The following CDH4 variants were observed in gnomAD, a reference collection of about 807,000 sequenced individuals.
The protein encoded by CDH4 is cadherin-4.
A neutral mutation model predicts 86.0 loss-of-function variants in CDH4; 33 were observed. The ratio of observed to expected loss-of-function variants is 0.38; its 90% confidence interval spans 0.29 to 0.51. The LOEUF (loss-of-function observed/expected upper bound fraction) is 0.51. CDH4 is among the 20% of genes least tolerant of loss of function. The pLI is 0.86. For synonymous variants in CDH4, 555 were observed against 549.4 expected, an observed-to-expected ratio of 1.01 and a Z score of -0.14; for missense variants, 1,114 against 1,307.4, an observed-to-expected ratio of 0.85 and a Z score of 2.28.
chr20:61,698,485 G>C (rs925245147), intron 2 of CDH4, among the ~76,000 whole-genome samples: 4 of 152,268 alleles, frequency 2.6e-5, no homozygotes, highest in African/African-American at 9.6e-5. Flanking sequence ...CATTCCCGGG[G>C]CTGGTGACTG....
chr20:61,869,831 C>T (rs1052015676), intron 6 of CDH4, among the ~76,000 whole-genome samples: 2 of 152,154 alleles, frequency 1.3e-5, no homozygotes, highest in African/African-American at 2.4e-5. Context: ...CTTCGGGGAC[C>T]GAGGAGTCCT....
At chr20:61,824,157 A>G (rs1173315135) in intron 4 of CDH4, among the ~76,000 whole-genome samples, 1 of 152,058 alleles carries the variant, frequency 6.6e-6, no homozygotes, top group Non-Finnish European at 1.5e-5. Context: ...CCCACTTTCT[A>G]TTGGAGCATA....
intron 9 of CDH4, among the ~76,000 whole-genome samples, chr20:61,922,295 A>T (rs887522194): frequency 6.6e-6 from 1 of 152,190 alleles, no homozygotes; most frequent in Non-Finnish European, 1.5e-5. Flanking sequence ...CAGGGCCCCA[A>T]GCTTTTTCCA....
chr20:61,841,754 A>AGT (rs778765000), intron 4 of CDH4, among the ~76,000 whole-genome samples: 11 of 151,518 alleles, frequency 7.3e-5, no homozygotes, highest in South Asian at 2.1e-4. Flanking sequence ...TGTGCACAGG[A>AGT]GTGTGTGTGT....
chr20:61,323,041 G>C (rs760724371), intron 2 of CDH4, among the ~76,000 whole-genome samples: 2 of 152,158 alleles, frequency 1.3e-5, no homozygotes, highest in Non-Finnish European at 2.9e-5. Context: ...GCATCCAAGG[G>C]CCTGAGCTTA....
chr20:61,263,010 A>C lies in CDH4; in HGVS notation c.169+8073A>C, dbSNP rs182878722. ...GCAAGCAAGCATTCATCTTTTCAAAAAGTGTGCCTATTATTCTGACTTTTT... is the reference window on the plus strand; with the variant it reads ...GCAAGCAAGCATTCATCTTTTCAAACAGTGTGCCTATTATTCTGACTTTTT... On this transcript the variant is annotated intron_variant, in intron 2 of 15. Transcript: ENST00000614565. 2.2e-3 allele frequency among the ~76,000 whole-genome samples: 337 copies of C among 152,218 alleles called. 2 individuals carry two copies. Among genetic ancestry groups the C allele is most frequent in the Non-Finnish European group, 3.8e-3 (259 of 68,016 alleles).
chr20:61,301,715 C>G (rs1468566331), intron 2 of CDH4, among the ~76,000 whole-genome samples: 2 of 152,138 alleles, frequency 1.3e-5, no homozygotes. Context: ...ATATTTCAGG[C>G]AGTGGGGAGA....
At chr20:61,707,313 T>C (rs1352710211) in intron 2 of CDH4, among the ~76,000 whole-genome samples, 1 of 152,258 alleles carries the variant, frequency 6.6e-6, no homozygotes, top group African/African-American at 2.4e-5. Flanking sequence ...GGCCCAACTC[T>C]GCCTTCGTCA....
At chr20:61,858,112 T>TGTGTCTGTGTCTGGGTGTCTGC (rs1335101625) in intron 6 of CDH4, among the ~76,000 whole-genome samples, 8 of 151,564 alleles carry the variant, frequency 5.3e-5, no homozygotes, top group African/African-American at 1.9e-4. Flanking sequence ...TCTGTTTCTG[T>TGTGTCTGTGTCTGGGTGTCTGC]GTGTCTGTGT....
At chr20:61,587,091 C>G (rs892134304) in intron 2 of CDH4, among the ~76,000 whole-genome samples, 1 of 152,172 alleles carries the variant, frequency 6.6e-6, no homozygotes, top group Non-Finnish European at 1.5e-5. Context: ...AAATGGTGGG[C>G]ACTGCTTCTC....
At chr20:61,426,580 G>A (rs1213977632) in intron 2 of CDH4, among the ~76,000 whole-genome samples, 2 of 152,204 alleles carry the variant, frequency 1.3e-5, no homozygotes, top group African/African-American at 4.8e-5. Flanking sequence ...GTATGTGTGA[G>A]TGACTCATAG....
intron 4 of CDH4, among the ~76,000 whole-genome samples, chr20:61,783,375 C>T (rs1022058977): frequency 3.9e-5 from 6 of 152,226 alleles, no homozygotes; most frequent in African/African-American, 1.4e-4. Flanking sequence ...TAGATAAAAA[C>T]ATTAAATACA....
chr20:61,259,629 A>G (rs2084118428), intron 2 of CDH4, among the ~76,000 whole-genome samples: 1 of 152,050 alleles, frequency 6.6e-6, no homozygotes, highest in South Asian at 2.1e-4. Context: ...ATATGCCTGG[A>G]ATTATTAGAC....
At chr20:61,509,595 C>T (rs554805643) in intron 2 of CDH4, among the ~76,000 whole-genome samples, 1 of 151,606 alleles carries the variant, frequency 6.6e-6, no homozygotes, top group South Asian at 2.1e-4. Flanking sequence ...GGGTGGGGGA[C>T]AGGACCGTCA....
At chr20:61,369,450 C>CAA (rs144885482) in intron 2 of CDH4, among the ~76,000 whole-genome samples, 14 of 56,618 alleles carry the variant, frequency 2.5e-4, no homozygotes, top group East Asian at 1.2e-3. Context: ...GACTCTGTCT[C>CAA]AAAAAAAAAA....
chr20:61,336,566 T>G (rs2084618357), intron 2 of CDH4, among the ~76,000 whole-genome samples: 2 of 152,176 alleles, frequency 1.3e-5, no homozygotes, highest in South Asian at 4.1e-4. Flanking sequence ...TCAGCCTCCC[T>G]TGATCAATGC....
chr20:61,468,615 G>T (rs537619056), intron 2 of CDH4, among the ~76,000 whole-genome samples: 1 of 152,146 alleles, frequency 6.6e-6, no homozygotes, highest in East Asian at 1.9e-4. Context: ...CAGTCACCCT[G>T]CTGTGCTATG....
At chr20:61,486,691 A>T (rs2085598466) in intron 2 of CDH4, among the ~76,000 whole-genome samples, 1 of 151,822 alleles carries the variant, frequency 6.6e-6, no homozygotes, top group South Asian at 2.1e-4. Context: ...GGGGTTCGAG[A>T]CTAGCCTGAA....
In CDH4 at chr20:61,686,690, CATGTGTGT is replaced by C. The variant is rs1232246062; in HGVS notation, c.170-56867_170-56860del. ...GTATGTGCGTGTGCATTTGTGTGTGCATGTGTGTATGTGCGTGTGCATTCCCGTGTGTG... is the reference window on the plus strand; with the variant it reads ...GTATGTGCGTGTGCATTTGTGTGTGCATGTGCGTGTGCATTCCCGTGTGTG... On this transcript the variant is annotated intron_variant, in intron 2 of 15. Coordinates refer to ENST00000614565, the MANE Select transcript of CDH4 (RefSeq NM_001794.5). Among the ~76,000 whole-genome samples the C allele has an allele frequency of 2.2e-5, 3 of 137,730 alleles. No individual in the cohort carries two copies. In the East Asian group the frequency reaches 6.7e-4, roughly 31 times the overall value. The allele number at this position is 137,730 out of a possible 152,430, so 90.4% of individuals were successfully genotyped here. A position where few individuals can be genotyped will look rare whatever the true frequency, so the allele number is the denominator to read the frequency against.
Sources: gnomAD v4.1 joint callset for allele counts (sites outside exome capture counted in the v4.1 genomes callset) on GRCh38, gnomAD v4.1.1 for gene constraint, MANE v1.5 for transcripts, NCBI Gene and HGNC (gene_info 2026-07-23, HGNC 2026-07-21) for gene names.